Variants in SH3RF3 observed in about 807,000 individuals in gnomAD.
SH3RF3 encodes the protein E3 ubiquitin-protein ligase SH3RF3.
Under a neutral mutation model 66.3 loss-of-function variants are expected in SH3RF3, and 29 were observed. That is an observed-to-expected ratio of 0.44 (90% CI 0.33 to 0.60). The LOEUF (loss-of-function observed/expected upper bound fraction) is 0.60, where lower values mean the gene tolerates loss of function less well. SH3RF3 is among the 20% of genes least tolerant of loss of function. SH3RF3 has a pLI of 0.04. For synonymous variants in SH3RF3, 583 were observed against 532.0 expected, an observed-to-expected ratio of 1.10 and a Z score of -1.32; for missense variants, 1,194 against 1,190.9, an observed-to-expected ratio of 1.00 and a Z score of -0.04.
chr2:109,196,364 G>A (rs1014628695), intron 1 of SH3RF3, among the ~76,000 whole-genome samples: 2 of 152,184 alleles, frequency 1.3e-5, no homozygotes, highest in South Asian at 2.1e-4. Flanking sequence ...GGCCTGGCTC[G>A]GTCCTACCAC....
chr2:109,499,265 G>T (rs1679330958), intron 9 of SH3RF3, among the ~76,000 whole-genome samples: 1 of 152,164 alleles, frequency 6.6e-6, no homozygotes, highest in African/African-American at 2.4e-5. Flanking sequence ...GTCCAGTGCT[G>T]GTTATTGAGT....
chr2:109,274,216 T>A (rs934354039), intron 1 of SH3RF3, among the ~76,000 whole-genome samples: 12 of 152,202 alleles, frequency 7.9e-5, no homozygotes, highest in Non-Finnish European at 1.3e-4. Flanking sequence ...TTATGGAGAT[T>A]TGAGATTTCA....
chr2:109,492,111 G>A (rs1679144638), intron 9 of SH3RF3, among the ~76,000 whole-genome samples: 2 of 152,276 alleles, frequency 1.3e-5, no homozygotes, highest in East Asian at 3.9e-4. Context: ...TGGAAGCGTG[G>A]CCACACACTG....
At chr2:109,139,802 G>A (rs529352045) in intron 1 of SH3RF3, among the ~76,000 whole-genome samples, 27 of 152,342 alleles carry the variant, frequency 1.8e-4, no homozygotes. Flanking sequence ...CAGTTTTTGA[G>A]CTTTTCAATC....
intron 8 of SH3RF3, among the ~76,000 whole-genome samples, chr2:109,488,367 C>T (rs1362503872): frequency 6.6e-6 from 1 of 152,214 alleles, no homozygotes; most frequent in Non-Finnish European, 1.5e-5. Context: ...GAGGCAAGGT[C>T]ACCCTCTCAT....
Position 109,432,624 on chromosome 2 carries a change from C to T in SH3RF3, c.1527C>T (p.Thr509=), listed in dbSNP as rs750617884. 1.4e-5 allele frequency: 23 copies of T among 1,612,822 alleles called. No homozygotes were observed. The highest frequency in any genetic ancestry group is 2.2e-5 in the South Asian group (2 of 90,756). Residue 509 remains threonine, a synonymous_variant, in exon 6 of 10, where the codon ACC becomes ACT. Transcript: ENST00000309415. The part of the protein sequence containing the change: ...DGWFKGASLR[T]GVSGVFPGNY... ...GGTTCAAGGGGGCGTCTCTGAGGAC[C>T]GGGGTCTCTGGGGTGTTCCCCGGAA...
At chr2:109,371,329 G>A (rs1302172753) in intron 2 of SH3RF3, among the ~76,000 whole-genome samples, 3 of 152,260 alleles carry the variant, frequency 2.0e-5, no homozygotes, top group African/African-American at 7.2e-5. Flanking sequence ...GGCGGAGGCT[G>A]CAGTGAGCGG....
At chr2:109,134,461 G>T (rs929237085) in intron 1 of SH3RF3, among the ~76,000 whole-genome samples, 1 of 152,188 alleles carries the variant, frequency 6.6e-6, no homozygotes, top group Non-Finnish European at 1.5e-5. Context: ...ACAGCAGTTT[G>T]CAGCCAGCGA....
At chr2:109,268,141 C>T (rs1476941706) in intron 1 of SH3RF3, among the ~76,000 whole-genome samples, 5 of 151,830 alleles carry the variant, frequency 3.3e-5, no homozygotes, top group African/African-American at 7.3e-5. Flanking sequence ...CTCCTTTGGT[C>T]GTCACTTTTG....
Position 109,399,050 on chromosome 2 carries a change from G to A in SH3RF3, c.1299+107G>A, listed in dbSNP as rs1425229793. On this transcript the variant is annotated intron_variant, in intron 4 of 9. Coordinates refer to ENST00000309415, the MANE Select transcript of SH3RF3 (RefSeq NM_001099289.3). ...CTCAACTAGCATGGAGGCCGCCCCA[G>A]AACTGCCTTTTGGGGTTGAGTGGGG... 6.3e-6 allele frequency: 8 copies of A among 1,267,608 alleles called. No homozygotes were observed. In the Admixed American group the frequency reaches 6.8e-5, roughly 11 times the overall value. The allele number at this position is 1,267,608 out of a possible 1,614,324, so 78.5% of individuals were successfully genotyped here. A position where few individuals can be genotyped will look rare whatever the true frequency, so the allele number is the denominator to read the frequency against.
intron 7 of SH3RF3, among the ~76,000 whole-genome samples, chr2:109,446,884 G>A (rs141342314): frequency 2.2e-4 from 34 of 152,238 alleles, no homozygotes; most frequent in African/African-American, 6.0e-4. Flanking sequence ...CAGTCCCAAC[G>A]CCGAGGGCCA....
chr2:109,433,391 G>A (rs1677304041), intron 6 of SH3RF3, among the ~76,000 whole-genome samples: 1 of 152,230 alleles, frequency 6.6e-6, no homozygotes, highest in African/African-American at 2.4e-5. Flanking sequence ...AATAGAATAT[G>A]TAATTTTAGA....
intron 1 of SH3RF3, among the ~76,000 whole-genome samples, chr2:109,208,263 T>G (rs771148168): frequency 1.3e-5 from 2 of 152,240 alleles, no homozygotes; most frequent in Non-Finnish European, 2.9e-5. Flanking sequence ...GTTGCAGAAT[T>G]GCAGATCCAC....
At chr2:109,272,623 T>C (rs770882507) in intron 1 of SH3RF3, among the ~76,000 whole-genome samples, 29 of 152,244 alleles carry the variant, frequency 1.9e-4, no homozygotes, top group Non-Finnish European at 2.4e-4. Flanking sequence ...GGTGAGCACA[T>C]GCTTCCGCAC....
At chr2:109,283,508 C>T (rs1324915263) in intron 1 of SH3RF3, among the ~76,000 whole-genome samples, 3 of 152,082 alleles carry the variant, frequency 2.0e-5, no homozygotes, top group Non-Finnish European at 4.4e-5. Context: ...CAAAGGTCTC[C>T]AGAAGAGAGT....
intron 1 of SH3RF3, among the ~76,000 whole-genome samples, chr2:109,306,228 A>G (rs1428565624): frequency 1.3e-5 from 2 of 152,214 alleles, no homozygotes; most frequent in Admixed American, 6.5e-5. Context: ...TGCCAGATGC[A>G]GACCCCAGGA....
intron 4 of SH3RF3, among the ~76,000 whole-genome samples, chr2:109,406,070 A>C (rs1676445758): frequency 6.6e-6 from 1 of 152,232 alleles, no homozygotes; most frequent in Non-Finnish European, 1.5e-5. Flanking sequence ...CAGGGCGTGC[A>C]GCCGGCTGAG....
intron 1 of SH3RF3, among the ~76,000 whole-genome samples, chr2:109,190,898 T>G (rs898843802): frequency 3.3e-5 from 5 of 151,582 alleles, no homozygotes; most frequent in Non-Finnish European, 5.9e-5. Flanking sequence ...TCAGAAAATA[T>G]GAAGAGTATT....
chr2:109,357,621 T>A (rs1333197639), intron 2 of SH3RF3, among the ~76,000 whole-genome samples: 1 of 152,238 alleles, frequency 6.6e-6, no homozygotes, highest in Non-Finnish European at 1.5e-5. Context: ...CATCAAGGAA[T>A]CACGCAGGAT....
Sources: gnomAD v4.1 joint callset for allele counts (sites outside exome capture counted in the v4.1 genomes callset) on GRCh38, gnomAD v4.1.1 for gene constraint, MANE v1.5 for transcripts, NCBI Gene and HGNC (gene_info 2026-07-23, HGNC 2026-07-21) for gene names.